The following STRN variants were observed in gnomAD, a reference collection of about 807,000 sequenced individuals.
STRN encodes the protein striatin, also known as protein phosphatase 2 regulatory subunit B'''alpha.
In STRN, 53 loss-of-function variants were observed where a neutral mutation model predicts 96.3. The observed-to-expected ratio is 0.55, with a 90% CI of 0.44 to 0.69. STRN has a LOEUF of 0.69. Among genes scored for constraint, STRN ranks in the 30% least tolerant of loss-of-function variants. The pLI, the probability that STRN is intolerant of heterozygous loss-of-function variation, is 0.00. For synonymous variants in STRN, 428 were observed against 355.9 expected, an observed-to-expected ratio of 1.20 and a Z score of -2.28; for missense variants, 987 against 963.9, an observed-to-expected ratio of 1.02 and a Z score of -0.32.
intron 7 of STRN, among the ~76,000 whole-genome samples, chr2:36,887,098 G>C (rs376976791): frequency 1.3e-5 from 2 of 149,558 alleles, no homozygotes; most frequent in East Asian, 3.9e-4. Flanking sequence ...GAAGATTTTA[G>C]TGATTTTTAG....
intron 7 of STRN, among the ~76,000 whole-genome samples, chr2:36,888,581 T>C (rs1043839360): frequency 6.6e-6 from 1 of 152,082 alleles, no homozygotes; most frequent in Admixed American, 6.6e-5. Flanking sequence ...TTTACTCAAT[T>C]GTTATCTTCT....
chr2:36,906,765 T>G (rs1267156173), intron 3 of STRN, among the ~76,000 whole-genome samples: 1 of 151,752 alleles, frequency 6.6e-6, no homozygotes, highest in Non-Finnish European at 1.5e-5. Context: ...CCATATCTAC[T>G]AAAAATACAA....
rs1026386351 is a variant in STRN at position 36,917,206 on chromosome 2, C to T, written c.339-1055G>A. On this transcript the variant is annotated intron_variant, in intron 2 of 17. Transcript: ENST00000263918. ...TTATAAAAACCTAATAGAGCACTTACCGTTAGGTTTTTTCATAATTTAAGA... is the reference window on the plus strand; with the variant it reads ...TTATAAAAACCTAATAGAGCACTTATCGTTAGGTTTTTTCATAATTTAAGA... Among the ~76,000 whole-genome samples the T allele has an allele frequency of 2.7e-5, 4 of 150,690 alleles. No homozygotes were observed. In the South Asian group the frequency reaches 8.4e-4, roughly 32 times the overall value.
At chr2:36,877,798 A>G in intron 10 of STRN, 93 bp downstream of exon 10, 2 of 1,447,486 alleles carry the variant, frequency 1.4e-6, no homozygotes, top group Non-Finnish European at 1.9e-6. Context: ...GGCCTCCCAA[A>G]GTGCTGGATT....
chr2:36,958,593 T>C (rs1004967489), intron 1 of STRN, among the ~76,000 whole-genome samples: 5 of 152,034 alleles, frequency 3.3e-5, no homozygotes, highest in Non-Finnish European at 7.4e-5. Flanking sequence ...ATTCACAGAC[T>C]GGAAAATAAG....
Position 36,877,988 on chromosome 2 carries a change from A to T in STRN, c.1226T>A (p.Phe409Tyr). The change falls in exon 10 of 18, where the codon TTC becomes TAC. Residue 409 changes from phenylalanine to tyrosine, a missense_variant. Coordinates refer to ENST00000263918, the MANE Select transcript of STRN (RefSeq NM_003162.4). The stretch of plus-strand genomic sequence containing the variant: ...AAGGGCTTCATCTGCTCCCATGATG[A>T]ATGACTTTCCAGAAGAAGGAGGAAA... ...LTFPPSSGKSFIMGADEALES... is the reference protein window; with the variant it reads ...LTFPPSSGKSYIMGADEALES... 6.2e-7 allele frequency: 1 copy of T among 1,614,192 alleles called. No individual in the cohort carries two copies. Among genetic ancestry groups the T allele is most frequent in the South Asian group, 1.1e-5 (1 of 91,088 alleles).
At position 36,886,836 on chromosome 2, in the gene STRN, G is replaced by A. The variant is rs374214231; in HGVS notation, c.932-10C>T. The A allele has an allele frequency of 6.1e-5, 98 of 1,602,214 alleles. No individual in the cohort carries two copies. In the African/African-American group the frequency reaches 7.4e-4, roughly 12 times the overall value. On this transcript the variant is annotated splice_polypyrimidine_tract_variant and intron_variant, in intron 7 of 17. Coordinates refer to ENST00000263918, the MANE Select transcript of STRN (RefSeq NM_003162.4). ...CACTGGTCTTCCTTTTCTAAACAGA[G>A]TGAAACAAATGAAACAGCCTTTTTC...
At chr2:36,864,823 C>T (rs1668580888) in intron 12 of STRN, among the ~76,000 whole-genome samples, 2 of 152,202 alleles carry the variant, frequency 1.3e-5, no homozygotes, top group South Asian at 4.1e-4. Flanking sequence ...AGTGATTCTC[C>T]TGCCTCAGCC....
intron 1 of STRN, among the ~76,000 whole-genome samples, chr2:36,940,157 T>C (rs1670809303): frequency 6.6e-6 from 1 of 152,232 alleles, no homozygotes; most frequent in African/African-American, 2.4e-5. Flanking sequence ...ATGAACATTA[T>C]AATCGGAGTT....
rs566903242 is a variant in STRN, at chr2:36,916,779, T to C, written c.339-628A>G. On this transcript the variant is annotated intron_variant, in intron 2 of 17. Coordinates refer to ENST00000263918, the MANE Select transcript of STRN (RefSeq NM_003162.4). ...AACTGTGAATGGGAATACTGTTTTA[T>C]CTTCTTTTCAAAGTTGACAGAATGT... is the stretch of plus-strand genomic sequence containing the variant. 9.8e-5 allele frequency among the ~76,000 whole-genome samples: 15 copies of C among 152,298 alleles called. No individual in the cohort carries two copies. The East Asian group carries it at 1.5e-3, about 16-fold the overall frequency.
Position 36,878,046 on chromosome 2 carries a change from G to A in STRN, c.1187-19C>T. ...GCTTCCACTGAAGAGGGAAGACAAAGGAAACATTAAAAAATCTCTAAGGAG... is the reference window on the plus strand; with the variant it reads ...GCTTCCACTGAAGAGGGAAGACAAAAGAAACATTAAAAAATCTCTAAGGAG... On this transcript the variant is annotated intron_variant, in intron 9 of 17. Transcript: ENST00000263918. 6.2e-7 allele frequency: 1 copy of A among 1,610,294 alleles called. No homozygotes were observed. Among genetic ancestry groups the A allele is most frequent in the Non-Finnish European group, 8.5e-7 (1 of 1,179,168 alleles).
chr2:36,861,689 T>TAG (rs1668484511), intron 12 of STRN, among the ~76,000 whole-genome samples: 1 of 150,992 alleles, frequency 6.6e-6, no homozygotes. Flanking sequence ...GCACATTCCT[T>TAG]AAACAGAAAC....
intron 11 of STRN, among the ~76,000 whole-genome samples, chr2:36,868,485 C>T (rs1026123453): frequency 3.3e-5 from 5 of 152,204 alleles, no homozygotes; most frequent in Admixed American, 3.3e-4. Context: ...TACCCTAATA[C>T]TGGCTATGAC....
Position 36,845,739 on chromosome 2 carries a change from G to A in STRN, c.*3717C>T, listed in dbSNP as rs1430621915. ...TTGTTTTCTCTACTGAAATTTCTAG[G>A]AATTCACATTCAAAATTCTTGGAAA... On this transcript the variant is annotated 3_prime_UTR_variant, in exon 18 of 18. Transcript: ENST00000263918. 1 of 151,856 alleles carries A rather than the reference G, an allele frequency of 6.6e-6. No homozygotes were observed. Among genetic ancestry groups the A allele is most frequent in the Non-Finnish European group, 1.5e-5 (1 of 67,984 alleles). The allele number at this position is 151,856 out of a possible 1,614,324, so 9.4% of individuals were successfully genotyped here. A position where few individuals can be genotyped will look rare whatever the true frequency, so the allele number is the denominator to read the frequency against.
At chr2:36,913,807 T>C (rs377529043) in intron 3 of STRN, among the ~76,000 whole-genome samples, 9 of 152,152 alleles carry the variant, frequency 5.9e-5, no homozygotes, top group Non-Finnish European at 1.0e-4. Flanking sequence ...AAATAAACAT[T>C]TGAGTTAGGA....
chr2:36,957,581 C>T (rs1323215686), intron 1 of STRN, among the ~76,000 whole-genome samples: 1 of 151,476 alleles, frequency 6.6e-6, no homozygotes, highest in Non-Finnish European at 1.5e-5. Context: ...GTAAGACCAT[C>T]TCAAAAAATA....
intron 10 of STRN, among the ~76,000 whole-genome samples, chr2:36,873,671 G>A (rs1319719265): frequency 3.3e-5 from 5 of 152,120 alleles, no homozygotes; most frequent in Admixed American, 1.3e-4. Flanking sequence ...TCGGCCAGGC[G>A]CGGTGGCTCA....
chr2:36,925,697 C>T (rs1170777668), intron 1 of STRN, among the ~76,000 whole-genome samples: 1 of 152,136 alleles, frequency 6.6e-6, no homozygotes, highest in Non-Finnish European at 1.5e-5. Flanking sequence ...TGCTTGAACC[C>T]AGGAGGCAGG....
intron 12 of STRN, among the ~76,000 whole-genome samples, chr2:36,862,110 T>C (rs1668502783): frequency 6.6e-6 from 1 of 152,236 alleles, no homozygotes. Flanking sequence ...TCATTTTTTA[T>C]GGGTGCATAG....
Sources: gnomAD v4.1 joint callset for allele counts (sites outside exome capture counted in the v4.1 genomes callset) on GRCh38, gnomAD v4.1.1 for gene constraint, MANE v1.5 for transcripts, NCBI Gene and HGNC (gene_info 2026-07-23, HGNC 2026-07-21) for gene names.